Variants in TDRD7 observed in about 807,000 individuals in gnomAD.
The protein encoded by TDRD7 is tudor domain containing 7, also known as tudor domain-containing protein 7.
A neutral mutation model predicts 109.8 loss-of-function variants in TDRD7; 47 were observed. That is an observed-to-expected ratio of 0.43 (90% CI 0.34 to 0.55). TDRD7 has a LOEUF of 0.55. Among genes scored for constraint, TDRD7 ranks in the 20% least tolerant of loss-of-function variants. TDRD7 has a pLI of 0.03. For missense variants in TDRD7, 1,164 were observed against 1,319.2 expected, an observed-to-expected ratio of 0.88 and a Z score of 1.82; for synonymous variants, 424 against 457.3, an observed-to-expected ratio of 0.93 and a Z score of 0.93.
chr9:97,487,099 A>T, intron 15 of TDRD7, 73 bp from the exon 16 acceptor site: 2 of 1,482,604 alleles, frequency 1.3e-6, no homozygotes, highest in Non-Finnish European at 1.9e-6. Flanking sequence ...TTTATCATAA[A>T]ATATTTCTTG....
rs1297019332 is a variant in TDRD7, at chr9:97,478,549, A to C, written c.2277A>C (p.Gln759His). ...GGGAAATTCCACCTCGGTTTCTACA[A>C]GAAATGATTGCAATACCACCTCAGG... ...ELREIPPRFL[Q>H]EMIAIPPQAI... Residue 759 changes from glutamine (Q) to histidine (H), a missense_variant, in exon 13 of 17, where the codon CAA becomes CAC. Coordinates refer to ENST00000355295, the MANE Select transcript of TDRD7 (RefSeq NM_014290.3). The C allele has an allele frequency of 2.5e-6, 4 of 1,614,068 alleles. No homozygotes were observed. In the East Asian group the frequency reaches 6.7e-5, roughly 27 times the overall value.
At chr9:97,490,715 G>A (rs1829293749) in intron 16 of TDRD7, among the ~76,000 whole-genome samples, 1 of 150,536 alleles carries the variant, frequency 6.6e-6, no homozygotes, top group African/African-American at 2.4e-5. Context: ...ACCTTTGATA[G>A]ATCTTGGATT....
intron 6 of TDRD7, among the ~76,000 whole-genome samples, chr9:97,452,007 T>A (rs986898245): frequency 2.0e-5 from 3 of 152,252 alleles, no homozygotes; most frequent in Non-Finnish European, 4.4e-5. Context: ...TAAATTATAT[T>A]TTTTAACTTT....
At chr9:97,467,895 C>G (rs1828845382) in intron 8 of TDRD7, among the ~76,000 whole-genome samples, 1 of 152,176 alleles carries the variant, frequency 6.6e-6, no homozygotes, top group Non-Finnish European at 1.5e-5. Context: ...GGAGGTAGAA[C>G]TGACAGGACA....
At chr9:97,447,146 A>C (rs1358242898) in intron 6 of TDRD7, among the ~76,000 whole-genome samples, 20 of 152,238 alleles carry the variant, frequency 1.3e-4, no homozygotes, top group Non-Finnish European at 1.5e-5. Flanking sequence ...TTGTGAAATC[A>C]GAATAGCGAA....
intron 14 of TDRD7, among the ~76,000 whole-genome samples, chr9:97,482,518 T>C (rs1470406056): frequency 6.6e-6 from 1 of 152,206 alleles, no homozygotes; most frequent in Non-Finnish European, 1.5e-5. Context: ...TTTAAGTGTT[T>C]CGAAATATCA....
chr9:97,472,747 A>G (rs1288732871), intron 10 of TDRD7, among the ~76,000 whole-genome samples: 1 of 152,156 alleles, frequency 6.6e-6, no homozygotes, highest in Non-Finnish European at 1.5e-5. Context: ...ATTATTTTGT[A>G]AAGATAATAA....
intron 1 of TDRD7, among the ~76,000 whole-genome samples, chr9:97,426,698 T>A (rs1828001314): frequency 6.6e-6 from 1 of 152,262 alleles, no homozygotes; most frequent in South Asian, 2.1e-4. Flanking sequence ...ACCTCTTTTA[T>A]ATATGCAGTC....
intron 6 of TDRD7, among the ~76,000 whole-genome samples, chr9:97,444,792 T>C (rs545388937): frequency 2.6e-5 from 4 of 152,204 alleles, no homozygotes; most frequent in Non-Finnish European, 4.4e-5. Flanking sequence ...AAATCACCCA[T>C]CATTCTACCA....
intron 12 of TDRD7, among the ~76,000 whole-genome samples, chr9:97,475,902 TTG>T (rs1829010320): frequency 6.6e-6 from 1 of 152,230 alleles, no homozygotes. Context: ...TTCATTATGT[TTG>T]TGAGATTCAT....
intron 8 of TDRD7, among the ~76,000 whole-genome samples, chr9:97,470,220 C>G (rs998516840): frequency 6.6e-6 from 1 of 152,066 alleles, no homozygotes; most frequent in Non-Finnish European, 1.5e-5. Flanking sequence ...AATGAAAGCA[C>G]CAAAGGGGAG....
rs946019953 is a variant in TDRD7, at chr9:97,475,407, T to A, written c.2104T>A (p.Ser702Thr). Residue 702 changes from serine to threonine, a missense_variant, in exon 12 of 17, where the codon TCA becomes ACA. Coordinates refer to ENST00000355295, the MANE Select transcript of TDRD7 (RefSeq NM_014290.3). The stretch of plus-strand genomic sequence containing the variant: ...GCACATGACCTCTGAGTGCTTTGTT[T>A]CATTACCCTTCTGTGGGAAAATCTG... ...CKHMTSECFVSLPFCGKICLF... is the reference protein window; with the variant it reads ...CKHMTSECFVTLPFCGKICLF... 117 of 1,613,650 alleles carry A rather than the reference T, an allele frequency of 7.3e-5. No individual in the cohort carries two copies. Among genetic ancestry groups the A allele is most frequent in the Non-Finnish European group, 8.5e-5 (100 of 1,179,778 alleles).
chr9:97,484,231 G>A (rs752590872), intron 15 of TDRD7, among the ~76,000 whole-genome samples: 3 of 152,062 alleles, frequency 2.0e-5, no homozygotes. Flanking sequence ...TTTCTTTAGC[G>A]CTTCAGTGTT....
At chr9:97,446,139 T>C (rs1343709862) in intron 6 of TDRD7, among the ~76,000 whole-genome samples, 1 of 152,050 alleles carries the variant, frequency 6.6e-6, no homozygotes, top group African/African-American at 2.4e-5. Flanking sequence ...AAATTCCAAA[T>C]CCTGCAACAA....
At chr9:97,434,222 A>G (rs1362159694) in intron 4 of TDRD7, among the ~76,000 whole-genome samples, 1 of 152,184 alleles carries the variant, frequency 6.6e-6, no homozygotes, top group Non-Finnish European at 1.5e-5. Flanking sequence ...AACAACATGG[A>G]TGAACCTGGG....
At chr9:97,433,050 CT>C (rs1828132118) in intron 4 of TDRD7, among the ~76,000 whole-genome samples, 1 of 152,160 alleles carries the variant, frequency 6.6e-6, no homozygotes, top group Admixed American at 6.5e-5. Context: ...TTGCTGACCC[CT>C]GATGTAGATG....
At position 97,480,865 on chromosome 9, in the gene TDRD7, T is replaced by C. The variant is rs759361396; in HGVS notation, c.2339T>C (p.Ile780Thr). 3 of 1,614,126 alleles carry C rather than the reference T, an allele frequency of 1.9e-6. No homozygotes were observed. Among genetic ancestry groups the C allele is most frequent in the Non-Finnish European group, 2.5e-6 (3 of 1,179,964 alleles). Residue 780 changes from isoleucine (I) to threonine (T), a missense_variant, in exon 14 of 17, where the codon ATT (isoleucine) becomes ACT (threonine). Ile to Thr is a moderately conservative substitution (Grantham distance 89). Transcript: ENST00000355295. Reference sequence around the variant, plus strand: ...TGTTTAGCAGATCTTCCACAATCTATTGGCATGTGGACACCAGATGCAGTG... The same window carrying C: ...TGTTTAGCAGATCTTCCACAATCTACTGGCATGTGGACACCAGATGCAGTG... The part of the protein sequence containing the change: ...KCCLADLPQS[I>T]GMWTPDAVLW...
intron 1 of TDRD7, among the ~76,000 whole-genome samples, chr9:97,420,817 A>C (rs1281712948): frequency 6.6e-6 from 1 of 152,128 alleles, no homozygotes; most frequent in African/African-American, 2.4e-5. Context: ...GGGTTATATA[A>C]GTGTATACTT....
At chr9:97,446,171 T>A (rs1484763839) in intron 6 of TDRD7, among the ~76,000 whole-genome samples, 1 of 152,002 alleles carries the variant, frequency 6.6e-6, no homozygotes, top group East Asian at 1.9e-4. Flanking sequence ...CACCAGAGAT[T>A]TTATTGAAAA....
Sources: allele counts gnomAD v4.1 joint callset (sites outside exome capture counted in the v4.1 genomes callset), GRCh38; gene constraint gnomAD v4.1.1; transcripts MANE v1.5; gene names NCBI Gene and HGNC (gene_info 2026-07-23, HGNC 2026-07-21).